COL5A1: variants seen among roughly 807,000 people sequenced by gnomAD.
COL5A1 encodes collagen alpha-1(V) chain.
A neutral mutation model predicts 263.7 loss-of-function variants in COL5A1; 16 were observed. The observed-to-expected ratio is 0.06, with a 90% CI of 0.04 to 0.09. COL5A1 has a LOEUF of 0.09. COL5A1 is among the 10% of genes least tolerant of loss of function. The pLI, the probability that COL5A1 is intolerant of heterozygous loss-of-function variation, is 1.00. For synonymous variants in COL5A1, 1,012 were observed against 1,004.5 expected, an observed-to-expected ratio of 1.01 and a Z score of -0.14; for missense variants, 2,036 against 2,540.5, an observed-to-expected ratio of 0.80 and a Z score of 4.27.
Position 134,809,242 on chromosome 9 carries a change from C to T in COL5A1, c.3426C>T (p.Leu1142=). Residue 1142 remains leucine (L), a synonymous_variant, in exon 43 of 66, where the codon CTC becomes CTT. Coordinates refer to ENST00000371817, the MANE Select transcript of COL5A1 (RefSeq NM_000093.5). The part of the protein sequence containing the change: ...GRDGLQGPVG[L]PGPAGPVGPP... Reference sequence around the variant, plus strand: ...ACGGTCTCCAGGGGCCTGTGGGGCTCCCGGGTCCAGCTGGCCCTGTGGGTC... The same window carrying T: ...ACGGTCTCCAGGGGCCTGTGGGGCTTCCGGGTCCAGCTGGCCCTGTGGGTC... The T allele has an allele frequency of 1.2e-6, 2 of 1,608,254 alleles. No individual in the cohort carries two copies. Among genetic ancestry groups the T allele is most frequent in the Non-Finnish European group, 1.7e-6 (2 of 1,177,814 alleles).
At chr9:134,775,504 C>T (rs1837021580) in intron 27 of COL5A1, among the ~76,000 whole-genome samples, 3 of 152,230 alleles carry the variant, frequency 2.0e-5, no homozygotes, top group Non-Finnish European at 2.9e-5. Context: ...GGGCGCACAG[C>T]TCCAGAGCAA....
chr9:134,650,581 A>G (rs1318512537), intron 1 of COL5A1, among the ~76,000 whole-genome samples: 2 of 152,206 alleles, frequency 1.3e-5, no homozygotes, highest in Non-Finnish European at 2.9e-5. Flanking sequence ...AGTGAGGTGC[A>G]GTAGAAGTGG....
At chr9:134,748,163 C>T (rs988171864) in intron 11 of COL5A1, among the ~76,000 whole-genome samples, 3 of 151,130 alleles carry the variant, frequency 2.0e-5, no homozygotes, top group Non-Finnish European at 4.4e-5. Context: ...ACATTCCACA[C>T]GTGCACACAC....
At chr9:134,667,048 C>T (rs1832382100) in intron 1 of COL5A1, among the ~76,000 whole-genome samples, 1 of 152,144 alleles carries the variant, frequency 6.6e-6, no homozygotes. Flanking sequence ...ATGTTTCAGT[C>T]ATCGGGCATA....
Position 134,700,246 on chromosome 9 carries a change from C to T in COL5A1, c.491+124C>T, listed in dbSNP as rs575232283. 684 of 898,822 alleles carry T rather than the reference C, an allele frequency of 7.6e-4. 3 individuals are homozygous for T. The African/African-American group carries it at 9.7e-3, about 13-fold the overall frequency. The allele number at this position is 898,822 out of a possible 1,614,324, so 55.7% of individuals were successfully genotyped here. A position where few individuals can be genotyped will look rare whatever the true frequency, so the allele number is the denominator to read the frequency against. Reference sequence around the variant, plus strand: ...CAGCCGGTACTGAGACTCCCACAGACGCCGCAGCAGAGGAGAGGGTGCTGG... The same window carrying T: ...CAGCCGGTACTGAGACTCCCACAGATGCCGCAGCAGAGGAGAGGGTGCTGG... On this transcript the variant is annotated intron_variant, in intron 3 of 65. Transcript: ENST00000371817. The surrounding 1 kb of genome is among the most constrained non-coding windows in gnomAD (Gnocchi z 4.0).
chr9:134,775,278 C>T (rs936245034), intron 27 of COL5A1, among the ~76,000 whole-genome samples: 5 of 152,252 alleles, frequency 3.3e-5, no homozygotes, highest in Non-Finnish European at 7.3e-5. Context: ...GACAGCAGAT[C>T]CCGGCTGAAG....
rs186066025 is a variant in COL5A1 at position 134,665,453 on chromosome 9, G to A, written c.109+23157G>A. 2.4e-3 allele frequency among the ~76,000 whole-genome samples: 366 copies of A among 152,288 alleles called. 2 individuals are homozygous for A. Among genetic ancestry groups the A allele is most frequent in the African/African-American group, 7.2e-3 (298 of 41,558 alleles). Reference sequence around the variant, plus strand: ...AAGCAAAGCAGAATGAAGAATGTTCGTCGTAATGGATCCATCTCTACTCAA... The same window carrying A: ...AAGCAAAGCAGAATGAAGAATGTTCATCGTAATGGATCCATCTCTACTCAA... On this transcript the variant is annotated intron_variant, in intron 1 of 65. Coordinates refer to ENST00000371817, the MANE Select transcript of COL5A1 (RefSeq NM_000093.5).
At chr9:134,645,514 C>G (rs1831447573) in intron 1 of COL5A1, among the ~76,000 whole-genome samples, 1 of 152,248 alleles carries the variant, frequency 6.6e-6, no homozygotes, top group Non-Finnish European at 1.5e-5. Context: ...AGTGCAGGAC[C>G]TGTCCCTGCT....
chr9:134,824,758 G>C lies in COL5A1; in HGVS notation c.4857G>C (p.Lys1619Asn), dbSNP rs769851712. The C allele has an allele frequency of 6.2e-7, 1 of 1,614,200 alleles. No individual in the cohort carries two copies. The highest frequency in any genetic ancestry group is 1.7e-5 in the Admixed American group (1 of 60,030). ...EEIFGSLNSL[K>N]LEIEQMKRPL... ...TCTTCGGCTCTCTCAACTCTCTGAA[G>C]CTGGAGATTGAGCAGATGAAACGGC... The change falls in exon 62 of 66, where the codon AAG becomes AAC. Residue 1619 changes from lysine (K) to asparagine (N), a missense_variant. This residue lies in a region of COL5A1 where 358 missense variants were observed against 384.6 expected (regional missense o/e 0.93). Transcript: ENST00000371817.
rs997595404 is a variant in COL5A1 at position 134,842,536 on chromosome 9, C to G, written c.*233C>G. On this transcript the variant is annotated 3_prime_UTR_variant, in exon 66 of 66. Coordinates refer to ENST00000371817, the MANE Select transcript of COL5A1 (RefSeq NM_000093.5). The surrounding 1 kb of genome is among the most constrained non-coding windows in gnomAD (Gnocchi z 5.8). ...ATCACATGACCTAGCTGCACCCCAG[C>G]GCCTGGGCCCGCCCCACGCTCTGTC... The G allele has an allele frequency of 5.0e-6, 3 of 604,264 alleles. No homozygotes were observed. Among genetic ancestry groups the G allele is most frequent in the Middle Eastern group, 9.0e-4 (2 of 2,222 alleles). 37.4% of individuals were successfully genotyped at this position (604,264 alleles called of 1,614,324 possible).
At chr9:134,823,950 G>A (rs544329036) in intron 61 of COL5A1, among the ~76,000 whole-genome samples, 5 of 152,082 alleles carry the variant, frequency 3.3e-5, no homozygotes, top group South Asian at 2.1e-4. Flanking sequence ...TATTGTATAC[G>A]TGCATGCATG....
intron 63 of COL5A1, among the ~76,000 whole-genome samples, chr9:134,828,873 TCA>T (rs534752124): frequency 6.7e-6 from 1 of 148,848 alleles, no homozygotes; most frequent in Non-Finnish European, 1.5e-5. Context: ...ACACCACACA[TCA>T]CACACAGACC....
intron 4 of COL5A1, among the ~76,000 whole-genome samples, chr9:134,710,201 C>A (rs3128590): frequency 0.83 from 126,410 of 152,188 alleles, 52,661 homozygotes; most frequent in Admixed American, 0.88. Context: ...CGGTGCGGCC[C>A]GCCCCGTGCT....
At chr9:134,708,629 C>T (rs1833928789) in intron 4 of COL5A1, 1 of 518,760 alleles carries the variant, frequency 1.9e-6, no homozygotes, top group Admixed American at 1.9e-5. Flanking sequence ...AGCGGAACAC[C>T]AGCAGGTGAA....
chr9:134,783,990 G>A (rs997593484), intron 29 of COL5A1, among the ~76,000 whole-genome samples: 4 of 152,224 alleles, frequency 2.6e-5, no homozygotes, highest in African/African-American at 9.6e-5. Context: ...TCCCGTGCCA[G>A]GGCTCCGAGA....
At chr9:134,744,617 A>G (rs1045088897) in intron 11 of COL5A1, among the ~76,000 whole-genome samples, 1 of 151,734 alleles carries the variant, frequency 6.6e-6, no homozygotes, top group African/African-American at 2.4e-5. Flanking sequence ...ACCTGCACAC[A>G]CACTCATGCA....
rs140035804 is a variant in COL5A1 at position 134,817,750 on chromosome 9, C to T, written c.4177-28C>T. 5.4e-5 allele frequency: 87 copies of T among 1,609,084 alleles called. 1 individual carries two copies. In the African/African-American group the frequency reaches 1.1e-3, roughly 19 times the overall value. ...CCTCCACCCCTGCAGGCCACACTCA[C>T]CACCTGCTGTTCTCTTGCTTCTTTC... is the stretch of plus-strand genomic sequence containing the variant. On this transcript the variant is annotated intron_variant, in intron 53 of 65. Transcript: ENST00000371817.
chr9:134,740,344 C>G (rs1835258282), intron 11 of COL5A1, among the ~76,000 whole-genome samples: 2 of 152,234 alleles, frequency 1.3e-5, no homozygotes, highest in Admixed American at 1.3e-4. Flanking sequence ...CTCTGGAGAC[C>G]CCTTCCCCCA....
At chr9:134,839,271 G>C (rs1018982022) in intron 65 of COL5A1, among the ~76,000 whole-genome samples, 2 of 152,206 alleles carry the variant, frequency 1.3e-5, no homozygotes, top group Non-Finnish European at 2.9e-5. Context: ...GGCGCCTCTG[G>C]GGGGCCGTTC....
Sources: gnomAD v4.1 joint callset for allele counts (sites outside exome capture counted in the v4.1 genomes callset) on GRCh38, gnomAD v4.1.1 for gene constraint, gnomAD v4.1.1 regional missense constraint, Gnocchi (gnomAD v3.1) non-coding constraint, MANE v1.5 for transcripts, NCBI Gene and HGNC (gene_info 2026-07-23, HGNC 2026-07-21) for gene names.